Variants in CXCL12 observed in about 807,000 individuals in gnomAD.
CXCL12 encodes the protein stromal cell-derived factor 1.
Under a neutral mutation model 10.7 loss-of-function variants are expected in CXCL12, and 4 were observed. The ratio of observed to expected loss-of-function variants is 0.37; its 90% CI spans 0.18 to 0.86. The LOEUF is 0.86. CXCL12 is among the 40% of genes least tolerant of loss of function. The pLI is 0.43. For missense variants in CXCL12, 122 were observed against 110.4 expected, an observed-to-expected ratio of 1.10 and a Z score of -0.47; for synonymous variants, 54 against 45.4, an observed-to-expected ratio of 1.19 and a Z score of -0.77.
Position 44,383,622 on chromosome 10 carries a change from G to C in CXCL12, c.61+1323C>G, listed in dbSNP as rs969904033. Among the ~76,000 whole-genome samples the C allele has an allele frequency of 9.6e-5, 12 of 124,552 alleles. 2 individuals are homozygous for C. The highest frequency in any genetic ancestry group is 3.4e-4 in the African/African-American group (11 of 32,756). 81.7% of individuals were successfully genotyped at this position (124,552 alleles called of 152,430 possible). ...CCCCATGACTTGCGGGGGGGGGGGG[G>C]GGTCAGTGTGCAGACACAGCCTCAG... is the stretch of plus-strand genomic sequence containing the variant. On this transcript the variant is annotated intron_variant, in intron 1 of 2. Transcript: ENST00000343575.
chr10:44,372,473 A>G (rs1321270725), downstream of CXCL12: 1 of 301,396 alleles, frequency 3.3e-6, no homozygotes, highest in African/African-American at 2.2e-5. Context: ...CATTGGTCAC[A>G]GAGGAGGACG....
downstream of CXCL12, chr10:44,372,557 T>G (rs1426553475): frequency 1.0e-6 from 1 of 956,814 alleles, no homozygotes; most frequent in Non-Finnish European, 1.3e-6. Context: ...CACAGTGTTT[T>G]CAGGTAACAC....
At chr10:44,376,716 T>C (rs935436671), downstream of CXCL12, among the ~76,000 whole-genome samples, 10 of 152,142 alleles carry the variant, frequency 6.6e-5, no homozygotes, top group Non-Finnish European at 1.5e-4. Context: ...CCTGTCCCTG[T>C]GAAAGCTTCA....
At chr10:44,374,897 T>C (rs1029802512), downstream of CXCL12, among the ~76,000 whole-genome samples, 3 of 152,124 alleles carry the variant, frequency 2.0e-5, no homozygotes, top group African/African-American at 7.2e-5. Context: ...TCTTCCATCC[T>C]CCCGGTCCAG....
chr10:44,378,063 A>C lies in CXCL12; in HGVS notation c.*570T>G. On this transcript the variant is annotated 3_prime_UTR_variant, in exon 3 of 3. Coordinates refer to ENST00000343575, the MANE Select transcript of CXCL12 (RefSeq NM_199168.4). The stretch of plus-strand genomic sequence containing the variant: ...TCACTGAGGTTGAAAGAGGAGGTGA[A>C]GGCAGTGGCGGCGCCCAGCCCCAGT... 6.8e-6 allele frequency: 10 copies of C among 1,469,274 alleles called. No individual in the cohort carries two copies. Among genetic ancestry groups the C allele is most frequent in the Non-Finnish European group, 8.9e-6 (10 of 1,120,150 alleles). 91.0% of individuals were successfully genotyped at this position (1,469,274 alleles called of 1,614,324 possible). A position where few individuals can be genotyped will look rare whatever the true frequency, so the allele number is the denominator to read the frequency against.
At chr10:44,372,655 G>T (rs750402643), downstream of CXCL12, 24 of 1,394,170 alleles carry the variant, frequency 1.7e-5, no homozygotes, top group Non-Finnish European at 2.2e-5. Context: ...AGACAGTCGT[G>T]GACACACATG....
intron 2 of CXCL12, 105 bp downstream of exon 2, chr10:44,380,658 A>C: frequency 2.1e-6 from 2 of 964,906 alleles, no homozygotes; most frequent in Non-Finnish European, 3.4e-6. Context: ...AAGGTTGGAC[A>C]CTTGGCTTGT....
downstream of CXCL12, chr10:44,371,412 T>C (rs1385877666): frequency 6.7e-6 from 3 of 448,948 alleles, no homozygotes; most frequent in Admixed American, 2.5e-5. Context: ...GGATAATGAC[T>C]GCCCCACTGA....
At chr10:44,382,672 C>T (rs1346908337) in intron 1 of CXCL12, among the ~76,000 whole-genome samples, 1 of 152,124 alleles carries the variant, frequency 6.6e-6, no homozygotes, top group Non-Finnish European at 1.5e-5. Context: ...GCTCAACACA[C>T]AGGCTCTCTC....
chr10:44,385,021 G>T lies in CXCL12; in HGVS notation c.-16C>A. 5.5e-6 allele frequency: 8 copies of T among 1,449,006 alleles called. No homozygotes were observed. Among genetic ancestry groups the T allele is most frequent in the Admixed American group, 2.3e-5 (1 of 43,636 alleles). 89.8% of individuals were successfully genotyped at this position (1,449,006 alleles called of 1,614,324 possible). On this transcript the variant is annotated 5_prime_UTR_variant, in exon 1 of 3. Coordinates refer to ENST00000343575, the MANE Select transcript of CXCL12 (RefSeq NM_199168.4). ...TGGCGTTCATGGCGCGGGCGGGCGG[G>T]CGGGCGGGCGGACGAGCGCGGGTCG...
chr10:44,372,686 T>C (rs1839344480), downstream of CXCL12: 8 of 1,415,056 alleles, frequency 5.7e-6, no homozygotes, highest in Non-Finnish European at 6.4e-6. Flanking sequence ...AGACAGAGAA[T>C]GATGAGCAGA....
Position 44,385,038 on chromosome 10 carries a change from C to A in CXCL12, c.-33G>T. 7.0e-7 allele frequency: 1 copy of A among 1,432,520 alleles called. No homozygotes were observed. Among genetic ancestry groups the A allele is most frequent in the South Asian group, 1.3e-5 (1 of 76,654 alleles). The allele number at this position is 1,432,520 out of a possible 1,614,324, so 88.7% of individuals were successfully genotyped here. The stretch of plus-strand genomic sequence containing the variant: ...GCGGGCGGGCGGGCGGGCGGACGAG[C>A]GCGGGTCGGGGGCCGGACGCCGAGC... On this transcript the variant is annotated 5_prime_UTR_variant, in exon 1 of 3. Transcript: ENST00000343575.
In CXCL12 at chr10:44,378,093, A is replaced by T; in HGVS notation, c.*540T>A. The T allele has an allele frequency of 6.9e-7, 1 of 1,450,898 alleles. No homozygotes were observed. The highest frequency in any genetic ancestry group is 2.5e-5 in the East Asian group (1 of 40,050). 89.9% of individuals were successfully genotyped at this position (1,450,898 alleles called of 1,614,324 possible). A position where few individuals can be genotyped will look rare whatever the true frequency, so the allele number is the denominator to read the frequency against. On this transcript the variant is annotated 3_prime_UTR_variant, in exon 3 of 3. Coordinates refer to ENST00000343575, the MANE Select transcript of CXCL12 (RefSeq NM_199168.4). ...GTGGCGGCGCCCAGCCCCAGTCGGT[A>T]TCTGAGTGCCACAGAGGCCTTCCTC...
At chr10:44,372,863 C>G (rs1227775525), downstream of CXCL12, 2 of 1,529,936 alleles carry the variant, frequency 1.3e-6, no homozygotes, top group African/African-American at 2.7e-5. Context: ...CCTCCACCAT[C>G]CCATCCCACA....
downstream of CXCL12, chr10:44,373,276 T>C: frequency 3.1e-6 from 5 of 1,590,494 alleles, no homozygotes; most frequent in East Asian, 2.3e-5. Context: ...TCCCTAACAC[T>C]GGTTTCAGAG....
At chr10:44,375,790 G>A (rs1839432999), downstream of CXCL12, 1 of 1,445,312 alleles carries the variant, frequency 6.9e-7, no homozygotes, top group Non-Finnish European at 9.2e-7. Context: ...AGAAGCCGGT[G>A]TGGCTGGCAG....
chr10:44,371,458 T>A (rs368037886), downstream of CXCL12: 6 of 345,930 alleles, frequency 1.7e-5, no homozygotes, highest in South Asian at 1.1e-4. Context: ...GAGGTTAATT[T>A]CAAAAGGTTT....
In CXCL12 at chr10:44,384,951, T is replaced by G; in HGVS notation, c.55A>C (p.Ser19Arg). ...LVLVLTALCL[S>R]DGKPVSLSYR... ...CCCCGCCGAGCGCACTTACCGTCGC[T>G]GAGGCAGAGCGCGGTCAGCACGAGG... The change falls in exon 1 of 3, where the codon AGC becomes CGC. Residue 19 changes from serine (S) to arginine (R), a missense_variant. Coordinates refer to ENST00000343575, the MANE Select transcript of CXCL12 (RefSeq NM_199168.4). The G allele has an allele frequency of 7.1e-7, 1 of 1,408,372 alleles. No individual in the cohort carries two copies. Among genetic ancestry groups the G allele is most frequent in the South Asian group, 1.2e-5 (1 of 83,780 alleles). 87.2% of individuals were successfully genotyped at this position (1,408,372 alleles called of 1,614,324 possible).
downstream of CXCL12, chr10:44,372,663 A>G (rs528256666): frequency 1.4e-5 from 20 of 1,403,026 alleles, no homozygotes; most frequent in African/African-American, 2.7e-4. Context: ...GTGGACACAC[A>G]TGATGATGGA....
Sources: gnomAD v4.1 joint callset for allele counts (sites outside exome capture counted in the v4.1 genomes callset) on GRCh38, gnomAD v4.1.1 for gene constraint, MANE v1.5 for transcripts, NCBI Gene and HGNC (gene_info 2026-07-23, HGNC 2026-07-21) for gene names.